The following RHOU variants were observed in gnomAD, a reference collection of about 807,000 sequenced individuals.
The protein encoded by RHOU is ras homolog family member U, also known as rho-related GTP-binding protein RhoU.
RHOU carries 8 observed loss-of-function variants against 12.6 expected under a neutral mutation model. The ratio of observed to expected loss-of-function variants is 0.64; its 90% CI spans 0.37 to 1.15. RHOU has a LOEUF of 1.15. RHOU is among the 50% of genes most tolerant of loss of function. RHOU has a pLI of 0.01. For synonymous variants in RHOU, 161 were observed against 147.4 expected, an observed-to-expected ratio of 1.09 and a Z score of -0.67; for missense variants, 258 against 347.0, an observed-to-expected ratio of 0.74 and a Z score of 2.04.
intron 2 of RHOU, among the ~76,000 whole-genome samples, chr1:228,741,090 T>C (rs953981391): frequency 1.3e-5 from 2 of 151,228 alleles, no homozygotes; most frequent in African/African-American, 4.9e-5. Flanking sequence ...AAAAATCTTA[T>C]ACTGAAAAAA....
the RHOU span, among the ~76,000 whole-genome samples, chr1:228,657,068 G>A: frequency 2.9e-4 from 44 of 152,156 alleles, no homozygotes; most frequent in Admixed American, 5.2e-4. Flanking sequence ...CTGAGGTCAG[G>A]AGTTCAAGAC....
the RHOU span, among the ~76,000 whole-genome samples, chr1:228,695,357 A>T: frequency 3.7e-4 from 57 of 152,146 alleles, 2 homozygotes; most frequent in Non-Finnish European, 2.9e-5. Flanking sequence ...GACTTCTGGG[A>T]CCAATCTCTC....
At chr1:228,650,311 A>T in the RHOU span, 2 of 464,404 alleles carry the variant, frequency 4.3e-6, no homozygotes, top group Non-Finnish European at 8.7e-6. Flanking sequence ...GGCGGGCTGG[A>T]TGGTGCTTGG....
At chr1:228,647,083 G>A in the RHOU span, among the ~76,000 whole-genome samples, 42 of 152,186 alleles carry the variant, frequency 2.8e-4, no homozygotes, top group Non-Finnish European at 8.8e-5. Flanking sequence ...TAGAGAGGAA[G>A]CACCCTACTT....
chr1:228,662,379 G>A, the RHOU span, among the ~76,000 whole-genome samples: 288 of 152,218 alleles, frequency 1.9e-3, 2 homozygotes, highest in Middle Eastern at 0.024. Context: ...ACAAATGCAC[G>A]CGAGTGTTTA....
At chr1:228,666,990 C>T in the RHOU span, among the ~76,000 whole-genome samples, 1 of 152,148 alleles carries the variant, frequency 6.6e-6, no homozygotes, top group Non-Finnish European at 1.5e-5. Flanking sequence ...AATTTAGCCT[C>T]ACTTGTCTGT....
At chr1:228,679,071 T>TAAGGAATGGACAGGGGAGTGTGGAAAGGA in the RHOU span, among the ~76,000 whole-genome samples, 4,470 of 8,074 alleles carry the variant, frequency 0.55, 2,207 homozygotes, top group Admixed American at 0.57. Flanking sequence ...GGCTGTTTTT[T>TAAGGAATGGACAGGGGAGTGTGGAAAGGA]TTTTTTTTTT....
the RHOU span, among the ~76,000 whole-genome samples, chr1:228,704,375 C>G: frequency 6.6e-6 from 1 of 152,174 alleles, no homozygotes; most frequent in Non-Finnish European, 1.5e-5. Flanking sequence ...AGACCTGTCT[C>G]AGATATTTGG....
At chr1:228,649,909 G>C in the RHOU span, among the ~76,000 whole-genome samples, 3 of 152,236 alleles carry the variant, frequency 2.0e-5, no homozygotes, top group East Asian at 5.8e-4. Context: ...AATCTAAGAC[G>C]TCATCAGTTG....
At chr1:228,686,552 A>C in the RHOU span, among the ~76,000 whole-genome samples, 1 of 152,216 alleles carries the variant, frequency 6.6e-6, no homozygotes. Context: ...CTACACCATG[A>C]GACAACTGAT....
the RHOU span, among the ~76,000 whole-genome samples, chr1:228,651,593 G>T: frequency 6.6e-6 from 1 of 152,198 alleles, no homozygotes; most frequent in African/African-American, 2.4e-5. Flanking sequence ...CAGGAGCACA[G>T]CACGTGCTGA....
At chr1:228,728,982 G>A in the RHOU span, among the ~76,000 whole-genome samples, 2 of 151,014 alleles carry the variant, frequency 1.3e-5, no homozygotes, top group Non-Finnish European at 2.9e-5. Flanking sequence ...TGCAAACTCT[G>A]CCTCCCGGGT....
At chr1:228,702,958 G>A in the RHOU span, among the ~76,000 whole-genome samples, 1 of 152,126 alleles carries the variant, frequency 6.6e-6, no homozygotes, top group Non-Finnish European at 1.5e-5. Flanking sequence ...GCCTCCTAAA[G>A]GGATGACTCT....
At chr1:228,647,580 C>A in the RHOU span, among the ~76,000 whole-genome samples, 1 of 152,222 alleles carries the variant, frequency 6.6e-6, no homozygotes, top group Non-Finnish European at 1.5e-5. Context: ...GCCCCTTCCC[C>A]CGGTTTATAA....
At chr1:228,671,740 A>T in the RHOU span, among the ~76,000 whole-genome samples, 1 of 150,772 alleles carries the variant, frequency 6.6e-6, no homozygotes, top group South Asian at 2.1e-4. Context: ...AAAAAAGAGA[A>T]CTAAGTGAAA....
the RHOU span, among the ~76,000 whole-genome samples, chr1:228,719,283 A>G: frequency 6.6e-6 from 1 of 152,216 alleles, no homozygotes; most frequent in Admixed American, 6.5e-5. Flanking sequence ...TTGTGCCTTG[A>G]TTCTCTAAAG....
At chr1:228,708,440 T>A in the RHOU span, among the ~76,000 whole-genome samples, 1 of 151,140 alleles carries the variant, frequency 6.6e-6, no homozygotes, top group African/African-American at 2.4e-5. Context: ...GGGAAGCCCA[T>A]CAGACTAACA....
chr1:228,658,621 G>A, the RHOU span, among the ~76,000 whole-genome samples: 1 of 152,158 alleles, frequency 6.6e-6, no homozygotes, highest in Non-Finnish European at 1.5e-5. Flanking sequence ...ACAGCAACAT[G>A]AACAAATTAA....
At position 228,737,750 on chromosome 1, in the gene RHOU, C is replaced by A. The variant is rs1207206894; in HGVS notation, c.321+19C>A. 1 of 1,613,258 alleles carries A rather than the reference C, an allele frequency of 6.2e-7. No individual in the cohort carries two copies. The highest frequency in any genetic ancestry group is 1.1e-5 in the South Asian group (1 of 91,062). On this transcript the variant is annotated intron_variant, in intron 2 of 2. Transcript: ENST00000366691. This position sits in a 1 kb window ranked among gnomAD's most constrained non-coding sequence, Gnocchi z 4.1. ...CGGACAGGTCAGTATCACGTTACAG[C>A]TCAGTGCTGGGAAAGGAAACAGCCT...
Sources: gnomAD v4.1 joint callset for allele counts (sites outside exome capture counted in the v4.1 genomes callset) on GRCh38, gnomAD v4.1.1 for gene constraint, Gnocchi (gnomAD v3.1) non-coding constraint, MANE v1.5 for transcripts, NCBI Gene and HGNC (gene_info 2026-07-23, HGNC 2026-07-21) for gene names.